Variants in GRIN2A observed in about 807,000 individuals in gnomAD.
GRIN2A encodes the protein glutamate ionotropic receptor NMDA type subunit 2A.
In GRIN2A, 22 loss-of-function variants were observed where a neutral mutation model predicts 113.4. The ratio of observed to expected loss-of-function variants is 0.19; its 90% CI spans 0.14 to 0.28. The LOEUF (loss-of-function observed/expected upper bound fraction) is 0.28. Among genes scored for constraint, GRIN2A ranks in the 10% least tolerant of loss-of-function variants. The pLI, the probability that GRIN2A is intolerant of heterozygous loss-of-function variation, is 1.00. For synonymous variants in GRIN2A, 827 were observed against 738.4 expected (o/e 1.12, Z -1.94); for missense variants, 1,502 against 1,887.0 (o/e 0.80, Z 3.78).
Position 10,098,346 on chromosome 16 carries a change from C to G in GRIN2A, c.414+81652G>C, listed in dbSNP as rs181771432. Among the ~76,000 whole-genome samples the G allele has an allele frequency of 9.3e-4, 142 of 152,344 alleles. 1 individual carries two copies. Among genetic ancestry groups the G allele is most frequent in the Admixed American group, 2.7e-3 (42 of 15,306 alleles). The stretch of plus-strand genomic sequence containing the variant: ...GTGGTGAAAAGGAAACACTTCCGCA[C>G]TGCTGGTGGGAATGTAAACTAGTAC... On this transcript the variant is annotated intron_variant, in intron 2 of 12. Coordinates refer to ENST00000330684, the MANE Select transcript of GRIN2A (RefSeq NM_001134407.3).
chr16:9,980,585 C>T lies in GRIN2A; in HGVS notation c.415-42034G>A, dbSNP rs1161547876. Among the ~76,000 whole-genome samples the T allele has an allele frequency of 5.3e-5, 8 of 152,020 alleles. 1 individual carries two copies. In the East Asian group the frequency reaches 1.5e-3, roughly 29 times the overall value. The stretch of plus-strand genomic sequence containing the variant: ...CACAATAGCAAAGACTTGGAACCAA[C>T]CCAAATGTCCAACAATGATAGACTA... On this transcript the variant is annotated intron_variant, in intron 2 of 12. Transcript: ENST00000330684.
intron 2 of GRIN2A, among the ~76,000 whole-genome samples, chr16:9,987,290 ATT>A (rs1476151553): frequency 6.6e-6 from 1 of 152,176 alleles, no homozygotes; most frequent in Non-Finnish European, 1.5e-5. Flanking sequence ...GACTTTTTAT[ATT>A]TCTTCCTTTT....
At chr16:10,011,682 A>C (rs188187693) in intron 2 of GRIN2A, among the ~76,000 whole-genome samples, 1 of 151,348 alleles carries the variant, frequency 6.6e-6, no homozygotes, top group Non-Finnish European at 1.5e-5. Flanking sequence ...CTAATTAATT[A>C]TTTTTTTTTA....
rs182783533 is a variant in GRIN2A, at chr16:9,758,409, T to C, written c.*4740A>G. The C allele has an allele frequency of 1.1e-4, 24 of 222,176 alleles. No individual in the cohort carries two copies. In the East Asian group the frequency reaches 1.6e-3, roughly 14 times the overall value. The allele number at this position is 222,176 out of a possible 1,614,324, so 13.8% of individuals were successfully genotyped here. A position where few individuals can be genotyped will look rare whatever the true frequency, so the allele number is the denominator to read the frequency against. ...AAGGGGCCAAGAACGCCAACACCCA[T>C]ATTCTACTTAGGCTCTGTCATCCTC... On this transcript the variant is annotated 3_prime_UTR_variant, in exon 13 of 13. Coordinates refer to ENST00000330684, the MANE Select transcript of GRIN2A (RefSeq NM_001134407.3).
chr16:9,894,172 C>T (rs867794013), intron 3 of GRIN2A, among the ~76,000 whole-genome samples: 8 of 152,012 alleles, frequency 5.3e-5, no homozygotes, highest in South Asian at 2.1e-4. Context: ...TAGTAACACA[C>T]GCTAGAGGAA....
intron 10 of GRIN2A, among the ~76,000 whole-genome samples, chr16:9,808,523 G>C (rs2042024879): frequency 6.6e-6 from 1 of 152,174 alleles, no homozygotes; most frequent in Non-Finnish European, 1.5e-5. Context: ...TTATGTGTTA[G>C]ATAGAATGCA....
chr16:9,947,079 A>AATC (rs1398415634), intron 2 of GRIN2A, among the ~76,000 whole-genome samples: 11 of 152,210 alleles, frequency 7.2e-5, no homozygotes, highest in African/African-American at 2.7e-4. Flanking sequence ...CCTGAACTTG[A>AATC]ATCAGAATAA....
chr16:10,066,128 C>T (rs573740345), intron 2 of GRIN2A, among the ~76,000 whole-genome samples: 9 of 152,306 alleles, frequency 5.9e-5, no homozygotes, highest in East Asian at 5.8e-4. Flanking sequence ...AGAAAGCAGA[C>T]GATGCTCTTC....
At chr16:9,942,368 G>C (rs2044903487) in intron 2 of GRIN2A, among the ~76,000 whole-genome samples, 1 of 152,134 alleles carries the variant, frequency 6.6e-6, no homozygotes, top group Admixed American at 6.5e-5. Context: ...TGCCTCTGAG[G>C]GACTGTGGCT....
chr16:10,106,426 A>G (rs1263535055), intron 2 of GRIN2A, among the ~76,000 whole-genome samples: 4 of 152,028 alleles, frequency 2.6e-5, no homozygotes, highest in Non-Finnish European at 5.9e-5. Flanking sequence ...AAAAAAATTT[A>G]CAATAAATAA....
chr16:9,935,463 C>G (rs1464014352), intron 3 of GRIN2A, among the ~76,000 whole-genome samples: 2 of 149,996 alleles, frequency 1.3e-5, no homozygotes, highest in African/African-American at 2.5e-5. Context: ...ATTCAAGGTT[C>G]ATTTTTCAGA....
intron 2 of GRIN2A, among the ~76,000 whole-genome samples, chr16:10,118,086 G>A (rs2048762665): frequency 6.6e-6 from 1 of 152,194 alleles, no homozygotes; most frequent in Admixed American, 6.5e-5. Flanking sequence ...GTTGAAGGAT[G>A]AACATCTGTT....
At chr16:9,872,551 A>C (rs1253342232) in intron 4 of GRIN2A, among the ~76,000 whole-genome samples, 1 of 152,196 alleles carries the variant, frequency 6.6e-6, no homozygotes, top group Non-Finnish European at 1.5e-5. Flanking sequence ...ACAATGCCTC[A>C]ATGCAAAGCC....
At chr16:9,812,334 G>A (rs569818418) in intron 10 of GRIN2A, among the ~76,000 whole-genome samples, 1 of 152,252 alleles carries the variant, frequency 6.6e-6, no homozygotes, top group African/African-American at 2.4e-5. Context: ...AATGGAATCT[G>A]TTAGTTAGAA....
chr16:10,083,806 A>G (rs1262478762), intron 2 of GRIN2A, among the ~76,000 whole-genome samples: 1 of 152,198 alleles, frequency 6.6e-6, no homozygotes, highest in Non-Finnish European at 1.5e-5. Context: ...ACAGGGACAA[A>G]AATAGGCATT....
chr16:9,775,830 G>T lies in GRIN2A; in HGVS notation c.2357-6741C>A, dbSNP rs147526609. ...TCATGGCCCCCTGATTGGAAATCCA[G>T]TGTCTCCTCACATACAATAGGAGGT... is the stretch of plus-strand genomic sequence containing the variant. On this transcript the variant is annotated intron_variant, in intron 11 of 12. Coordinates refer to ENST00000330684, the MANE Select transcript of GRIN2A (RefSeq NM_001134407.3). Among the ~76,000 whole-genome samples the T allele has an allele frequency of 2.7e-3, 414 of 152,300 alleles. 2 individuals carry two copies. Among genetic ancestry groups the T allele is most frequent in the African/African-American group, 9.5e-3 (396 of 41,562 alleles).
chr16:9,998,123 A>G (rs773958061), intron 2 of GRIN2A, among the ~76,000 whole-genome samples: 3 of 152,168 alleles, frequency 2.0e-5, no homozygotes, highest in Non-Finnish European at 4.4e-5. Context: ...CATGTCTTGG[A>G]GACCTCTCCA....
At chr16:10,124,509 G>A (rs1210614490) in intron 2 of GRIN2A, among the ~76,000 whole-genome samples, 1 of 152,158 alleles carries the variant, frequency 6.6e-6, no homozygotes, top group Admixed American at 6.5e-5. Flanking sequence ...GAAAAGGGCA[G>A]GATTCCTTGG....
intron 3 of GRIN2A, among the ~76,000 whole-genome samples, chr16:9,916,777 C>T (rs967245463): frequency 6.6e-6 from 1 of 152,188 alleles, no homozygotes; most frequent in Non-Finnish European, 1.5e-5. Flanking sequence ...CTTCAAATAT[C>T]TCCTCCAGCT....
Sources: allele counts gnomAD v4.1 joint callset (sites outside exome capture counted in the v4.1 genomes callset), GRCh38; gene constraint gnomAD v4.1.1; transcripts MANE v1.5; gene names NCBI Gene and HGNC (gene_info 2026-07-23, HGNC 2026-07-21).